CHRNB4: variants seen among roughly 807,000 people sequenced by gnomAD.
CHRNB4 encodes neuronal acetylcholine receptor subunit beta-4.
CHRNB4 carries 23 observed loss-of-function variants against 40.4 expected under a neutral mutation model. That is an observed-to-expected ratio of 0.57 (90% CI 0.41 to 0.81). CHRNB4 has a LOEUF of 0.81. Ranked by LOEUF, CHRNB4 falls within the 30% of genes least tolerant of loss-of-function variation. The probability of loss-of-function intolerance (pLI) is 0.00; values close to 1 mark genes in which losing one functional copy is unlikely to be tolerated. For synonymous variants in CHRNB4, 285 were observed against 274.4 expected, an observed-to-expected ratio of 1.04 and a Z score of -0.38; for missense variants, 568 against 670.6, an observed-to-expected ratio of 0.85 and a Z score of 1.69.
upstream of CHRNB4, chr15:78,641,386 T>A: frequency 2.2e-6 from 1 of 449,338 alleles, no homozygotes. Context: ...TCTTCGGGCC[T>A]CGCAACCTTC....
chr15:78,641,038 C>A, intron 1 of CHRNB4, 41 bp downstream of exon 1: 1 of 1,549,940 alleles, frequency 6.5e-7, no homozygotes, highest in South Asian at 1.2e-5. Flanking sequence ...CCTTTCAGCC[C>A]AACCCAGGCG....
chr15:78,650,006 T>TG (rs1555423826), intron 6 of CHRNB4, among the ~76,000 whole-genome samples: 3 of 129,368 alleles, frequency 2.3e-5, no homozygotes, highest in Non-Finnish European at 5.6e-5. Flanking sequence ...TTATCAATTT[T>TG]GTTTTTTTTA....
At chr15:78,631,839 A>G (rs924338219) in intron 2 of CHRNB4, among the ~76,000 whole-genome samples, 3 of 151,988 alleles carry the variant, frequency 2.0e-5, no homozygotes, top group Non-Finnish European at 2.9e-5. Flanking sequence ...CTGCTGCCAC[A>G]TCTCATCCAA....
intron 6 of CHRNB4, among the ~76,000 whole-genome samples, chr15:78,651,739 C>T (rs573798219): frequency 4.6e-5 from 7 of 152,214 alleles, no homozygotes; most frequent in Non-Finnish European, 1.0e-4. Context: ...AGGGTGTAAG[C>T]GGCAAGTGCT....
chr15:78,661,617 C>T (rs2054254202), upstream of CHRNB4: 2 of 490,412 alleles, frequency 4.1e-6, no homozygotes, highest in South Asian at 3.1e-5. Context: ...ATGATGGCGC[C>T]TCCTGCTCGG....
At position 78,624,725 on chromosome 15, in the gene CHRNB4, T is replaced by C; in HGVS notation, c.*408A>G. On this transcript the variant is annotated 3_prime_UTR_variant, in exon 6 of 6. Transcript: ENST00000261751. ...AAAAAAAAGATGATGATATGGCAAA[T>C]GCCAAGCCTCTGAGCTGGGAAGAAT... is the stretch of plus-strand genomic sequence containing the variant. The C allele has an allele frequency of 2.4e-6, 1 of 410,622 alleles. No homozygotes were observed. The highest frequency in any genetic ancestry group is 4.3e-6 in the Non-Finnish European group (1 of 234,688). The allele number at this position is 410,622 out of a possible 1,614,324, so 25.4% of individuals were successfully genotyped here.
intron 2 of CHRNB4, among the ~76,000 whole-genome samples, chr15:78,632,910 G>A (rs909638853): frequency 2.0e-5 from 3 of 151,920 alleles, no homozygotes; most frequent in African/African-American, 2.4e-5. Context: ...TTCTTCGTAC[G>A]CAGCCCAAAT....
At chr15:78,638,493 C>T (rs946853667) in intron 1 of CHRNB4, among the ~76,000 whole-genome samples, 1 of 152,246 alleles carries the variant, frequency 6.6e-6, no homozygotes, top group Non-Finnish European at 1.5e-5. Flanking sequence ...TCCCTGACCC[C>T]TGAGCCTTCT....
In CHRNB4 at chr15:78,655,444, A is replaced by G. The variant is rs571998758; in HGVS notation, c.-110+100T>C. ...TATATATCTATATCTATATATATCT[A>G]TATCTATATATATCTATATATCTAT... On this transcript the variant is annotated intron_variant and NMD_transcript_variant, in intron 5 of 11. Coordinates refer to the CHRNB4 transcript ENST00000559849. The G allele has an allele frequency of 7.2e-4, 93 of 129,504 alleles. 1 individual carries two copies. Among genetic ancestry groups the G allele is most frequent in the Admixed American group, 1.1e-3 (14 of 13,142 alleles). 8.0% of individuals were successfully genotyped at this position (129,504 alleles called of 1,614,324 possible). A position where few individuals can be genotyped will look rare whatever the true frequency, so the allele number is the denominator to read the frequency against.
chr15:78,645,843 A>C (rs1262422972), upstream of CHRNB4, among the ~76,000 whole-genome samples: 1 of 152,142 alleles, frequency 6.6e-6, no homozygotes, highest in Non-Finnish European at 1.5e-5. Context: ...GTGGATAATG[A>C]GGTCAAGAGA....
chr15:78,660,745 T>G, upstream of CHRNB4: 1 of 198,622 alleles, frequency 5.0e-6, no homozygotes, highest in Non-Finnish European at 1.0e-5. Context: ...CTTTGGTTCT[T>G]TCACTTTTCA....
At chr15:78,631,424 GC>G in intron 2 of CHRNB4, 92 bp from the exon 3 acceptor site, 1 of 1,310,574 alleles carries the variant, frequency 7.6e-7, no homozygotes, top group Non-Finnish European at 1.1e-6. Context: ...TGAGCTCCAG[GC>G]CCACGTGACC....
intron 2 of CHRNB4, among the ~76,000 whole-genome samples, chr15:78,633,157 C>T (rs1048949362): frequency 6.6e-6 from 1 of 152,146 alleles, no homozygotes; most frequent in African/African-American, 2.4e-5. Context: ...AATTTTGGTG[C>T]CTCTCCTTTA....
At chr15:78,653,649 C>T (rs1247859491) in intron 5 of CHRNB4, among the ~76,000 whole-genome samples, 1 of 152,190 alleles carries the variant, frequency 6.6e-6, no homozygotes, top group African/African-American at 2.4e-5. Context: ...GGCTTTACCT[C>T]AGCTTTTGAG....
intron 1 of CHRNB4, among the ~76,000 whole-genome samples, chr15:78,640,434 TC>T (rs1431334966): frequency 6.6e-6 from 1 of 152,120 alleles, no homozygotes; most frequent in African/African-American, 2.4e-5. Flanking sequence ...CCGGCACACC[TC>T]GGGTGGGTGA....
At chr15:78,640,095 A>G (rs1413575201) in intron 1 of CHRNB4, among the ~76,000 whole-genome samples, 2 of 152,212 alleles carry the variant, frequency 1.3e-5, no homozygotes, top group Non-Finnish European at 2.9e-5. Context: ...CAAACTGGAC[A>G]CACACTCACA....
chr15:78,652,038 C>T (rs1002616975), intron 6 of CHRNB4, among the ~76,000 whole-genome samples: 1 of 152,318 alleles, frequency 6.6e-6, no homozygotes, highest in African/African-American at 2.4e-5. Context: ...CCCCATCTTC[C>T]AGTGAGAAAG....
upstream of CHRNB4, among the ~76,000 whole-genome samples, chr15:78,644,498 C>T (rs1383533693): frequency 1.3e-5 from 2 of 151,988 alleles, no homozygotes; most frequent in Admixed American, 1.3e-4. Context: ...ATACCAGGCC[C>T]TCACTAGACA....
upstream of CHRNB4, among the ~76,000 whole-genome samples, chr15:78,645,728 C>T (rs929968530): frequency 1.3e-4 from 20 of 152,040 alleles, no homozygotes; most frequent in African/African-American, 4.8e-4. Flanking sequence ...TCAGGCTCTC[C>T]TTCAAGCAGA....
Sources: gnomAD v4.1 joint callset for allele counts (sites outside exome capture counted in the v4.1 genomes callset) on GRCh38, gnomAD v4.1.1 for gene constraint, MANE v1.5 for transcripts, NCBI Gene and HGNC (gene_info 2026-07-23, HGNC 2026-07-21) for gene names.